LINGO2: variants seen among roughly 807,000 people sequenced by gnomAD.
LINGO2 encodes leucine-rich repeat and immunoglobulin-like domain-containing nogo receptor-interacting protein 2.
Under a neutral mutation model 30.6 loss-of-function variants are expected in LINGO2, and 14 were observed. The ratio of observed to expected loss-of-function variants is 0.46; its 90% CI spans 0.30 to 0.72. The LOEUF (loss-of-function observed/expected upper bound fraction) is 0.72, where lower values mean the gene tolerates loss of function less well. Ranked by LOEUF, LINGO2 falls within the 30% of genes least tolerant of loss-of-function variation. The pLI, the probability that LINGO2 is intolerant of heterozygous loss-of-function variation, is 0.07. For synonymous variants in LINGO2, 317 were observed against 288.5 expected (o/e 1.10, Z -1.00); for missense variants, 729 against 751.7 (o/e 0.97, Z 0.35).
At chr9:29,164,918 A>G in the LINGO2 span, among the ~76,000 whole-genome samples, 33,618 of 151,986 alleles carry the variant, frequency 0.22, 4,104 homozygotes, top group East Asian at 0.38. Flanking sequence ...ATTTTAATCA[A>G]TATTATCTAT....
At chr9:28,126,067 G>T (rs1443783181) in intron 4 of LINGO2, among the ~76,000 whole-genome samples, 2 of 152,032 alleles carry the variant, frequency 1.3e-5, no homozygotes, top group African/African-American at 4.8e-5. Flanking sequence ...ATGTTAAAAA[G>T]AAAATTTTTG....
In LINGO2 at chr9:28,594,980, CTAT is replaced by C. The variant is rs750776349; in HGVS notation, c.-365+75217_-365+75219del. 1.2e-3 allele frequency among the ~76,000 whole-genome samples: 185 copies of C among 152,154 alleles called. 2 individuals carry two copies. The highest frequency in any genetic ancestry group is 2.2e-3 in the Non-Finnish European group (147 of 67,958). On this transcript the variant is annotated intron_variant, in intron 1 of 5. Transcript: ENST00000379992. ...ACGTAAGATTTCATTTGAAGAGGAC[CTAT>C]TAAGTAATTCTATGAGTAAATTCAC...
At chr9:29,185,613 T>C in the LINGO2 span, among the ~76,000 whole-genome samples, 1 of 152,146 alleles carries the variant, frequency 6.6e-6, no homozygotes, top group Non-Finnish European at 1.5e-5. Context: ...AATCTCTCCT[T>C]TTAATTTAGA....
At chr9:28,314,203 G>A (rs1322058529) in intron 3 of LINGO2, among the ~76,000 whole-genome samples, 1 of 152,106 alleles carries the variant, frequency 6.6e-6, no homozygotes, top group African/African-American at 2.4e-5. Flanking sequence ...CAAAGTTCTG[G>A]GATTACAGGC....
At chr9:28,119,074 T>A (rs1413807758) in intron 4 of LINGO2, among the ~76,000 whole-genome samples, 7 of 152,042 alleles carry the variant, frequency 4.6e-5, no homozygotes, top group Non-Finnish European at 1.0e-4. Context: ...AATGTGTTTT[T>A]AAAAAAGAAG....
chr9:28,474,791 T>C (rs1825663509), intron 2 of LINGO2, among the ~76,000 whole-genome samples: 1 of 152,178 alleles, frequency 6.6e-6, no homozygotes, highest in South Asian at 2.1e-4. Context: ...CCTGTCTGTA[T>C]GGTCAGGCTG....
intron 4 of LINGO2, among the ~76,000 whole-genome samples, chr9:28,216,549 A>G (rs1000016721): frequency 2.6e-5 from 4 of 151,990 alleles, no homozygotes; most frequent in Non-Finnish European, 5.9e-5. Context: ...CAACATAACC[A>G]TCACTACAGA....
At chr9:29,131,480 C>T in the LINGO2 span, among the ~76,000 whole-genome samples, 7 of 152,078 alleles carry the variant, frequency 4.6e-5, no homozygotes, top group Non-Finnish European at 7.3e-5. Context: ...CCATCCCAAT[C>T]CCCGCTCTAT....
intron 4 of LINGO2, among the ~76,000 whole-genome samples, chr9:28,259,076 A>T (rs191711501): frequency 1.7e-4 from 26 of 152,098 alleles, no homozygotes; most frequent in Non-Finnish European, 3.1e-4. Context: ...TGCATGTGTG[A>T]TGCATAGCAG....
At chr9:28,710,805 T>A in the LINGO2 span, among the ~76,000 whole-genome samples, 1 of 152,054 alleles carries the variant, frequency 6.6e-6, no homozygotes, top group Non-Finnish European at 1.5e-5. Context: ...CCATTAGATT[T>A]AAAAAAATAT....
intron 5 of LINGO2, among the ~76,000 whole-genome samples, chr9:27,995,691 A>T (rs752731650): frequency 6.6e-6 from 1 of 152,214 alleles, no homozygotes; most frequent in Non-Finnish European, 1.5e-5. Context: ...CAACAAATTG[A>T]GTATAAATTT....
At chr9:29,007,062 A>G in the LINGO2 span, among the ~76,000 whole-genome samples, 1 of 152,126 alleles carries the variant, frequency 6.6e-6, no homozygotes, top group African/African-American at 2.4e-5. Flanking sequence ...AATTAATTTT[A>G]TTGACAATAC....
Position 28,252,389 on chromosome 9 carries a change from C to G in LINGO2, c.-87+42819G>C, listed in dbSNP as rs1257987824. Among the ~76,000 whole-genome samples the G allele has an allele frequency of 2.0e-5, 3 of 152,138 alleles. No homozygotes were observed. The East Asian group carries it at 5.8e-4, about 30-fold the overall frequency. On this transcript the variant is annotated intron_variant, in intron 4 of 5. Transcript: ENST00000379992. ...TACAGGCACGCATCACTATGCCTAGCTAATTTGTGTATTCTTTAGTAGAGA... is the reference window on the plus strand; with the variant it reads ...TACAGGCACGCATCACTATGCCTAGGTAATTTGTGTATTCTTTAGTAGAGA...
At chr9:27,992,145 T>A (rs555820281) in intron 5 of LINGO2, among the ~76,000 whole-genome samples, 47 of 151,786 alleles carry the variant, frequency 3.1e-4, no homozygotes, top group Non-Finnish European at 4.9e-4. Context: ...CACCATCAGG[T>A]TGATGAATTT....
intron 1 of LINGO2, among the ~76,000 whole-genome samples, chr9:28,488,727 G>C (rs996686705): frequency 6.6e-6 from 1 of 152,238 alleles, no homozygotes; most frequent in Non-Finnish European, 1.5e-5. Context: ...GTATCTCCAA[G>C]TATAAAACTT....
At chr9:28,817,644 T>C in the LINGO2 span, among the ~76,000 whole-genome samples, 66 of 152,294 alleles carry the variant, frequency 4.3e-4, 1 homozygote, top group East Asian at 0.01. Flanking sequence ...TGGTCAGGCT[T>C]GGGTTAGGAG....
intron 1 of LINGO2, among the ~76,000 whole-genome samples, chr9:28,563,815 G>A (rs995054735): frequency 6.6e-6 from 1 of 152,026 alleles, no homozygotes; most frequent in African/African-American, 2.4e-5. Flanking sequence ...GCCCAGAATC[G>A]CGGCTGCTGA....
At chr9:28,631,537 G>C (rs1304259488) in intron 1 of LINGO2, among the ~76,000 whole-genome samples, 2 of 152,096 alleles carry the variant, frequency 1.3e-5, no homozygotes, top group African/African-American at 2.4e-5. Flanking sequence ...TGTCAGGTTT[G>C]TCAAAGATGG....
At chr9:28,373,349 TCCTTACTCCCCTAATAATCTGTTCTC>T (rs1820979148) in intron 2 of LINGO2, among the ~76,000 whole-genome samples, 1 of 152,190 alleles carries the variant, frequency 6.6e-6, no homozygotes, top group South Asian at 2.1e-4. Context: ...GTCTTCTCTC[TCCTTACTCCCCTAATAATCTGTTCTC>T]CCTTATGGAC....
Sources: gnomAD v4.1 joint callset for allele counts (sites outside exome capture counted in the v4.1 genomes callset) on GRCh38, gnomAD v4.1.1 for gene constraint, MANE v1.5 for transcripts, NCBI Gene and HGNC (gene_info 2026-07-23, HGNC 2026-07-21) for gene names.